RYR3: variants seen among roughly 807,000 people sequenced by gnomAD.
The protein encoded by RYR3 is ryanodine receptor 3.
RYR3 carries 207 observed loss-of-function variants against 584.3 expected under a neutral mutation model. The observed-to-expected ratio is 0.35, with a 90% CI of 0.32 to 0.40. The LOEUF (loss-of-function observed/expected upper bound fraction) is 0.40. Among genes scored for constraint, RYR3 ranks in the 10% least tolerant of loss-of-function variants. The pLI, the probability that RYR3 is intolerant of heterozygous loss-of-function variation, is 1.00. For synonymous variants in RYR3, 2,416 were observed against 2,248.5 expected, an observed-to-expected ratio of 1.07 and a Z score of -2.11; for missense variants, 5,616 against 6,089.2, an observed-to-expected ratio of 0.92 and a Z score of 2.59.
intron 102 of RYR3, among the ~76,000 whole-genome samples, chr15:33,861,747 C>G (rs1888312985): frequency 6.6e-6 from 1 of 152,140 alleles, no homozygotes; most frequent in South Asian, 2.1e-4. Context: ...TCATGTCTGT[C>G]TTTTCTCATT....
Position 33,865,260 on chromosome 15 carries a change from G to C in RYR3, c.*34G>C, listed in dbSNP as rs759249813. The C allele has an allele frequency of 4.7e-6, 7 of 1,476,570 alleles. No homozygotes were observed. Among genetic ancestry groups the C allele is most frequent in the South Asian group, 3.5e-5 (3 of 85,464 alleles). The allele number at this position is 1,476,570 out of a possible 1,614,324, so 91.5% of individuals were successfully genotyped here. A position where few individuals can be genotyped will look rare whatever the true frequency, so the allele number is the denominator to read the frequency against. ...CAAAGAAGCGCGACAATTCTGGACA[G>C]TCAACTTCCCATGAAATAAAGTCCC... is the stretch of plus-strand genomic sequence containing the variant. On this transcript the variant is annotated 3_prime_UTR_variant, in exon 104 of 104. Transcript: ENST00000634891.
chr15:33,466,475 A>T (rs1449869300), intron 1 of RYR3, among the ~76,000 whole-genome samples: 2 of 152,240 alleles, frequency 1.3e-5, no homozygotes, highest in Non-Finnish European at 2.9e-5. Context: ...AACTTTTGAC[A>T]CATTCTAAGA....
At position 33,865,199 on chromosome 15, in the gene RYR3, T is replaced by C. The variant is rs773878719; in HGVS notation, c.14586T>C (p.Arg4862=). The C allele has an allele frequency of 1.2e-6, 2 of 1,613,626 alleles. No individual in the cohort carries two copies. Among genetic ancestry groups the C allele is most frequent in the South Asian group, 2.2e-5 (2 of 91,050 alleles). ...TCTTCCCAGCCGGTGACTGCTTTCG[T>C]AAACAATATGAAGATCAGCTTGGAT... ...WDFFPAGDCF[R]KQYEDQLG is the part of the protein sequence containing the mutation. The change falls in exon 104 of 104, where the codon CGT becomes CGC. Residue 4862 remains arginine, a synonymous_variant. Transcript: ENST00000634891.
chr15:33,537,725 C>A (rs781583816), intron 5 of RYR3, among the ~76,000 whole-genome samples: 4 of 152,164 alleles, frequency 2.6e-5, no homozygotes, highest in Non-Finnish European at 5.9e-5. Context: ...TCTTTCTGTT[C>A]TGACATCTCA....
In RYR3 at chr15:33,456,601, C is replaced by G. The variant is rs187309202; in HGVS notation, c.52-16818C>G. Among the ~76,000 whole-genome samples, 36 of 152,270 alleles carry G rather than the reference C, an allele frequency of 2.4e-4. 2 individuals carry two copies. Among genetic ancestry groups the G allele is most frequent in the Non-Finnish European group, 4.4e-5 (3 of 68,024 alleles). On this transcript the variant is annotated intron_variant, in intron 1 of 103. Coordinates refer to ENST00000634891, the MANE Select transcript of RYR3 (RefSeq NM_001036.6). ...CTCCTAAACACTGATTCCACTTCCA[C>G]ATAGACCATTTTTCCATCCCTTATC... is the stretch of plus-strand genomic sequence containing the variant.
chr15:33,585,257 C>T (rs1298562126), intron 15 of RYR3, among the ~76,000 whole-genome samples: 6 of 152,080 alleles, frequency 3.9e-5, no homozygotes, highest in Non-Finnish European at 2.9e-5. Flanking sequence ...GTCTCATGGG[C>T]TAGATTACAT....
chr15:33,770,576 C>T (rs62012647), intron 62 of RYR3, among the ~76,000 whole-genome samples: 59,379 of 151,818 alleles, frequency 0.39, 11,778 homozygotes, highest in South Asian at 0.52. Flanking sequence ...ACATAGACCC[C>T]CATCTCTACA....
At chr15:33,673,538 T>TATC (rs2063975629) in intron 38 of RYR3, among the ~76,000 whole-genome samples, 2 of 152,344 alleles carry the variant, frequency 1.3e-5, no homozygotes, top group South Asian at 2.1e-4. Flanking sequence ...TTTTTTTTCG[T>TATC]ATCTCCATCC....
rs199722956 is a variant in RYR3, at chr15:33,433,563, G to GA, written c.52-39851dup. Among the ~76,000 whole-genome samples the GA allele has an allele frequency of 8.7e-4, 132 of 152,268 alleles. 1 individual carries two copies. The East Asian group carries it at 0.022, about 25-fold the overall frequency. On this transcript the variant is annotated intron_variant, in intron 1 of 103. Coordinates refer to ENST00000634891, the MANE Select transcript of RYR3 (RefSeq NM_001036.6). ...TAAATAAATGCAGTCGTAGGAGTATGAAAAAGGGTAAGAAGTAAAAATATA... is the reference window on the plus strand; with the variant it reads ...TAAATAAATGCAGTCGTAGGAGTATGAAAAAAGGGTAAGAAGTAAAAATATA...
chr15:33,580,489 A>G (rs1185093761), intron 13 of RYR3, among the ~76,000 whole-genome samples: 4 of 152,252 alleles, frequency 2.6e-5, no homozygotes, highest in Non-Finnish European at 4.4e-5. Flanking sequence ...TGTTTGAAAA[A>G]TGCAGATGCC....
chr15:33,731,412 C>A, intron 47 of RYR3, 62 bp from the exon 48 acceptor site: 1 of 1,245,836 alleles, frequency 8.0e-7, no homozygotes, highest in Non-Finnish European at 1.2e-6. Flanking sequence ...GAACTCTGTG[C>A]AGAGCCAGCT....
At chr15:33,435,437 T>G (rs543716336) in intron 1 of RYR3, among the ~76,000 whole-genome samples, 56 of 152,280 alleles carry the variant, frequency 3.7e-4, no homozygotes, top group African/African-American at 1.3e-3. Context: ...TTCCAGTCAG[T>G]GTATAGTTTG....
At chr15:33,653,260 T>G (rs988504485) in intron 32 of RYR3, among the ~76,000 whole-genome samples, 1 of 152,228 alleles carries the variant, frequency 6.6e-6, no homozygotes, top group African/African-American at 2.4e-5. Flanking sequence ...ACTTCTCACT[T>G]TAAGAAACTT....
intron 60 of RYR3, among the ~76,000 whole-genome samples, chr15:33,760,326 G>C (rs2072303790): frequency 1.3e-5 from 2 of 152,106 alleles, no homozygotes; most frequent in South Asian, 4.2e-4. Flanking sequence ...CCAATTAAAA[G>C]ACACAGACAG....
At position 33,865,165 on chromosome 15, in the gene RYR3, G is replaced by A; in HGVS notation, c.14552G>A (p.Cys4851Tyr). Residue 4851 changes from cysteine (C) to tyrosine (Y), a missense_variant, in exon 104 of 104, where the codon TGT becomes TAT. Physicochemically the swap from Cys to Tyr is radical, Grantham distance 194. Transcript: ENST00000634891. Reference protein sequence around the residue: ...SYVWKMYQERCWDFFPAGDCF... With the variant: ...SYVWKMYQERYWDFFPAGDCF... ...GTCTGGAAGATGTACCAAGAAAGGT[G>A]TTGGGATTTCTTCCCAGCCGGTGAC... is the stretch of plus-strand genomic sequence containing the variant. 1 of 1,613,788 alleles carries A rather than the reference G, an allele frequency of 6.2e-7. No individual in the cohort carries two copies. Among genetic ancestry groups the A allele is most frequent in the Non-Finnish European group, 8.5e-7 (1 of 1,179,808 alleles).
In RYR3 at chr15:33,628,352, G is replaced by T. The variant is rs2061099229; in HGVS notation, c.2575-119G>T. 40 of 660,450 alleles carry T rather than the reference G, an allele frequency of 6.1e-5. No homozygotes were observed. In the South Asian group the frequency reaches 6.9e-4, roughly 11 times the overall value. 40.9% of individuals were successfully genotyped at this position (660,450 alleles called of 1,614,324 possible). A position where few individuals can be genotyped will look rare whatever the true frequency, so the allele number is the denominator to read the frequency against. On this transcript the variant is annotated intron_variant, in intron 20 of 103. Transcript: ENST00000634891. ...GAGCATGTGGGTCAGGCAGCATGAG[G>T]TCGGATACTGCAGCTCCTCCTGGGT...
In RYR3 at chr15:33,780,309, T is replaced by C. The variant is rs975168968; in HGVS notation, c.9236T>C (p.Val3079Ala). Reference sequence around the variant, plus strand: ...CTTAATCGCTACAATCCACTCTCGGTCTTCAACACCAAAACCCCCAGGGAG... The same window carrying C: ...CTTAATCGCTACAATCCACTCTCGGCCTTCAACACCAAAACCCCCAGGGAG... ...PTLNRYNPLS[V>A]FNTKTPRERS... The change falls in exon 65 of 104, where the codon GTC becomes GCC. Residue 3079 changes from valine (V) to alanine (A), a missense_variant. Val to Ala is a moderately conservative substitution (Grantham distance 64). Around this residue, in one of 9 missense-constraint regions of RYR3, gnomAD observed 954 missense variants for 1,132.2 expected, o/e 0.84. Coordinates refer to ENST00000634891, the MANE Select transcript of RYR3 (RefSeq NM_001036.6). 7 of 1,613,684 alleles carry C rather than the reference T, an allele frequency of 4.3e-6. No individual in the cohort carries two copies. In the South Asian group the frequency reaches 7.7e-5, roughly 18 times the overall value.
chr15:33,623,763 GTT>G (rs35485665), intron 19 of RYR3, 42 bp from the exon 20 acceptor site: 2 of 1,234,892 alleles, frequency 1.6e-6, no homozygotes, highest in Non-Finnish European at 2.3e-6. Context: ...GGGCTGCATT[GTT>G]TTTTTTTTAA....
chr15:33,785,861 C>A lies in RYR3; in HGVS notation c.9468C>A (p.Ser3156Arg), dbSNP rs769796260. The change falls in exon 66 of 104, where the codon AGC becomes AGA. Residue 3156 changes from serine (S) to arginine (R), a missense_variant. Physicochemically the swap from Ser to Arg is moderately radical, Grantham distance 110. Coordinates refer to ENST00000634891, the MANE Select transcript of RYR3 (RefSeq NM_001036.6). ...GGGGTCCTGAGAACCTGCCCCCCAG[C>A]ACAGGGCCATGCTGCACCAAGGTCA... ...WERGPENLPP[S>R]TGPCCTKVTS... The A allele has an allele frequency of 6.2e-7, 1 of 1,613,914 alleles. No individual in the cohort carries two copies. The highest frequency in any genetic ancestry group is 8.5e-7 in the Non-Finnish European group (1 of 1,179,876).
Sources: gnomAD v4.1 joint callset for allele counts (sites outside exome capture counted in the v4.1 genomes callset) on GRCh38, gnomAD v4.1.1 for gene constraint, gnomAD v4.1.1 regional missense constraint, MANE v1.5 for transcripts, NCBI Gene and HGNC (gene_info 2026-07-23, HGNC 2026-07-21) for gene names.